Variants in NFATC1 observed in about 807,000 individuals in gnomAD.
NFATC1 encodes the protein nuclear factor of activated T cells 1.
Under a neutral mutation model 76.0 loss-of-function variants are expected in NFATC1, and 22 were observed. The observed-to-expected ratio is 0.29, with a 90% CI of 0.21 to 0.41. NFATC1 has a LOEUF of 0.41. Among genes scored for constraint, NFATC1 ranks in the 10% least tolerant of loss-of-function variants. The pLI is 1.00. For missense variants in NFATC1, 1,357 were observed against 1,337.7 expected, an observed-to-expected ratio of 1.01 and a Z score of -0.23; for synonymous variants, 704 against 613.1, an observed-to-expected ratio of 1.15 and a Z score of -2.19.
At chr18:79,502,367 A>G (rs1056616242) in intron 9 of NFATC1, among the ~76,000 whole-genome samples, 2 of 152,214 alleles carry the variant, frequency 1.3e-5, no homozygotes, top group Admixed American at 1.3e-4. Context: ...AAATAGTCAA[A>G]CGTTTTTGGA....
intron 8 of NFATC1, 110 bp downstream of exon 8, chr18:79,467,692 A>ACTGTGTGATGTCC: frequency 2.0e-6 from 3 of 1,520,174 alleles, no homozygotes; most frequent in Non-Finnish European, 2.7e-6. Flanking sequence ...TGCACATTTA[A>ACTGTGTGATGTCC]CTGTGTGATG....
At position 79,475,028 on chromosome 18, in the gene NFATC1, C is replaced by T. The variant is rs369491799; in HGVS notation, c.2092+7446C>T. 4.6e-5 allele frequency among the ~76,000 whole-genome samples: 6 copies of T among 130,766 alleles called. No homozygotes were observed. The South Asian group carries it at 7.4e-4, about 16-fold the overall frequency. The allele number at this position is 130,766 out of a possible 152,430, so 85.8% of individuals were successfully genotyped here. A position where few individuals can be genotyped will look rare whatever the true frequency, so the allele number is the denominator to read the frequency against. ...GCTGTCGACGTAAACCTGAGGGAAG[C>T]GTGTTCTCACGCTCACTGTCGACGT... On this transcript the variant is annotated intron_variant, in intron 8 of 9. Coordinates refer to ENST00000427363, the MANE Select transcript of NFATC1 (RefSeq NM_001278669.2).
chr18:79,402,120 A>G (rs370334510), intron 1 of NFATC1, among the ~76,000 whole-genome samples: 2 of 152,240 alleles, frequency 1.3e-5, no homozygotes, highest in East Asian at 3.9e-4. Context: ...GCCTCCGTGC[A>G]CACGTGACTG....
chr18:79,478,107 T>C (rs1211760302), intron 8 of NFATC1, among the ~76,000 whole-genome samples: 3 of 83,358 alleles, frequency 3.6e-5, no homozygotes, highest in Non-Finnish European at 7.2e-5. Flanking sequence ...GCCCCCGTTC[T>C]TGCCCCCAGG....
At chr18:79,459,026 C>T (rs892876161) in intron 6 of NFATC1, among the ~76,000 whole-genome samples, 1 of 152,262 alleles carries the variant, frequency 6.6e-6, no homozygotes, top group African/African-American at 2.4e-5. Flanking sequence ...TCGGACACCA[C>T]GGGGAGAGGC....
At chr18:79,458,382 G>C (rs1366668035) in intron 6 of NFATC1, among the ~76,000 whole-genome samples, 1 of 152,194 alleles carries the variant, frequency 6.6e-6, no homozygotes, top group Admixed American at 6.5e-5. Flanking sequence ...GGGCACCGTG[G>C]GACCCAGGGA....
At chr18:79,406,347 T>C (rs2085437243) in intron 1 of NFATC1, among the ~76,000 whole-genome samples, 1 of 152,082 alleles carries the variant, frequency 6.6e-6, no homozygotes, top group Admixed American at 6.5e-5. Flanking sequence ...GGGAAGTGTG[T>C]GGAGCAGGTG....
chr18:79,430,075 C>T (rs910207848), intron 2 of NFATC1, among the ~76,000 whole-genome samples: 6 of 152,206 alleles, frequency 3.9e-5, no homozygotes, highest in Non-Finnish European at 7.3e-5. Flanking sequence ...CTGGACACAC[C>T]GAGTCGGTTC....
chr18:79,513,166 A>G (rs943482832), intron 9 of NFATC1, among the ~76,000 whole-genome samples: 17 of 152,166 alleles, frequency 1.1e-4, no homozygotes, highest in African/African-American at 3.9e-4. Flanking sequence ...GGCTGTGTCA[A>G]CTCCCGTCGG....
At chr18:79,486,219 T>C in intron 8 of NFATC1, 29 bp from the exon 9 acceptor site, 1 of 1,581,578 alleles carries the variant, frequency 6.3e-7, no homozygotes, top group South Asian at 1.1e-5. Context: ...CAACTTGTGT[T>C]TATTTAATTT....
intron 9 of NFATC1, among the ~76,000 whole-genome samples, chr18:79,523,326 A>T (rs375395868): frequency 6.6e-6 from 1 of 152,262 alleles, no homozygotes; most frequent in Non-Finnish European, 1.5e-5. Context: ...TCTGGCCCTC[A>T]TCATTCCCAG....
At position 79,486,909 on chromosome 18, in the gene NFATC1, AG is replaced by A. The variant is rs761673212; in HGVS notation, c.2755del (p.Glu919SerfsTer10). 35 of 1,605,204 alleles carry A rather than the reference AG, an allele frequency of 2.2e-5. No homozygotes were observed. Among genetic ancestry groups the A allele is most frequent in the Non-Finnish European group, 5.1e-6 (6 of 1,175,496 alleles). On this transcript the variant is annotated frameshift_variant, in exon 9 of 10. Coordinates refer to ENST00000427363, the MANE Select transcript of NFATC1 (RefSeq NM_001278669.2). LOFTEE classifies it high-confidence loss of function. ...IPVTVKREPE[E>X]LDQLYLDDVN... ...CTGTAACGGTCAAGCGAGAGCCTGA[AG>A]AGTTGGACCAGTTGTACCTGGATGA...
intron 6 of NFATC1, among the ~76,000 whole-genome samples, chr18:79,457,745 A>C (rs2087815566): frequency 6.6e-6 from 1 of 151,776 alleles, no homozygotes; most frequent in Admixed American, 6.6e-5. Context: ...CGACAACCCC[A>C]ATGCCCCCTC....
intron 3 of NFATC1, among the ~76,000 whole-genome samples, chr18:79,448,017 T>TAA (rs2087288070): frequency 1.3e-5 from 2 of 152,282 alleles, no homozygotes; most frequent in Admixed American, 1.3e-4. Context: ...GCCCGGCCAC[T>TAA]AGTGTCCTGG....
intron 6 of NFATC1, among the ~76,000 whole-genome samples, chr18:79,459,801 A>G (rs1461966341): frequency 6.6e-6 from 1 of 152,144 alleles, no homozygotes; most frequent in African/African-American, 2.4e-5. Context: ...ACTTAGTTAC[A>G]CACAGAGTGA....
At chr18:79,490,345 A>G (rs1005807372) in intron 9 of NFATC1, among the ~76,000 whole-genome samples, 2 of 145,128 alleles carry the variant, frequency 1.4e-5, no homozygotes, top group Non-Finnish European at 3.0e-5. Flanking sequence ...GCTCTCGGTC[A>G]TGGTGGGGTG....
chr18:79,432,691 C>T (rs879764253), intron 2 of NFATC1, among the ~76,000 whole-genome samples: 4 of 152,202 alleles, frequency 2.6e-5, no homozygotes, highest in African/African-American at 7.2e-5. Context: ...GATGGTGGTG[C>T]ACCGGGGCAG....
At chr18:79,490,638 G>A (rs396127) in intron 9 of NFATC1, among the ~76,000 whole-genome samples, 81,811 of 152,050 alleles carry the variant, frequency 0.54, 23,269 homozygotes, top group Middle Eastern at 0.67. Flanking sequence ...TGTCGGAGCC[G>A]AGTGGATGGA....
intron 2 of NFATC1, among the ~76,000 whole-genome samples, chr18:79,427,817 C>T (rs59480037): frequency 1.8e-3 from 5 of 2,840 alleles, no homozygotes; most frequent in Admixed American, 0.01. Context: ...GTGCAGGGGT[C>T]GGGGGGAGCT....
Sources: gnomAD v4.1 joint callset for allele counts (sites outside exome capture counted in the v4.1 genomes callset) on GRCh38, gnomAD v4.1.1 for gene constraint, MANE v1.5 for transcripts, NCBI Gene and HGNC (gene_info 2026-07-23, HGNC 2026-07-21) for gene names.